Variants in NFIL3 observed in about 807,000 individuals in gnomAD.
NFIL3 encodes the protein nuclear factor, interleukin 3 regulated, also known as nuclear factor interleukin-3-regulated protein.
In NFIL3, 5 loss-of-function variants were observed where a neutral mutation model predicts 10.0. That is an observed-to-expected ratio of 0.50 (90% CI 0.26 to 1.06). NFIL3 has a LOEUF of 1.06. Among genes scored for constraint, NFIL3 ranks in the 50% least tolerant of loss-of-function variants. The pLI is 0.13. For missense variants in NFIL3, 436 were observed against 547.6 expected, an observed-to-expected ratio of 0.80 and a Z score of 2.03; for synonymous variants, 202 against 206.5, an observed-to-expected ratio of 0.98 and a Z score of 0.19.
At chr9:91,481,366 G>T in the NFIL3 span, among the ~76,000 whole-genome samples, 1 of 151,998 alleles carries the variant, frequency 6.6e-6, no homozygotes, top group East Asian at 1.9e-4. Context: ...ATAAATAGTT[G>T]GTGTCATAAG....
the NFIL3 span, among the ~76,000 whole-genome samples, chr9:91,464,875 C>T: frequency 6.6e-6 from 1 of 152,032 alleles, no homozygotes; most frequent in Non-Finnish European, 1.5e-5. Flanking sequence ...TGAGAAGATT[C>T]TTCTCTTCCA....
At chr9:91,425,576 C>T (rs1833864218), upstream of NFIL3, among the ~76,000 whole-genome samples, 1 of 152,232 alleles carries the variant, frequency 6.6e-6, no homozygotes, top group African/African-American at 2.4e-5. Flanking sequence ...CTCCACTACA[C>T]ATTTTCCAAA....
chr9:91,454,669 T>A, the NFIL3 span, among the ~76,000 whole-genome samples: 1 of 151,986 alleles, frequency 6.6e-6, no homozygotes, highest in Admixed American at 6.6e-5. Flanking sequence ...CCGTCTCCAC[T>A]AAAAATAAAA....
the NFIL3 span, among the ~76,000 whole-genome samples, chr9:91,459,213 G>A: frequency 3.3e-5 from 5 of 152,138 alleles, no homozygotes; most frequent in African/African-American, 7.2e-5. Flanking sequence ...TGCAGCTATA[G>A]GCATGTTTTA....
At chr9:91,460,366 C>T in the NFIL3 span, among the ~76,000 whole-genome samples, 1 of 145,868 alleles carries the variant, frequency 6.9e-6, no homozygotes, top group Admixed American at 6.8e-5. Context: ...CCTCCATCTC[C>T]CAGGTTCAAA....
At chr9:91,455,747 C>T in the NFIL3 span, among the ~76,000 whole-genome samples, 1 of 152,180 alleles carries the variant, frequency 6.6e-6, no homozygotes, top group Non-Finnish European at 1.5e-5. Flanking sequence ...GACACCATCA[C>T]CACATTCAAG....
the NFIL3 span, among the ~76,000 whole-genome samples, chr9:91,431,264 G>T: frequency 1.3e-5 from 2 of 152,152 alleles, no homozygotes; most frequent in African/African-American, 4.8e-5. Flanking sequence ...TAGGGAAATG[G>T]TTCAAAGCCT....
the NFIL3 span, among the ~76,000 whole-genome samples, chr9:91,449,189 G>A: frequency 3.3e-5 from 5 of 151,614 alleles, no homozygotes; most frequent in African/African-American, 4.8e-5. Context: ...GCTCCTTTTC[G>A]TTATTTTTTT....
intron 1 of NFIL3, among the ~76,000 whole-genome samples, chr9:91,418,982 A>T (rs111458949): frequency 6.6e-6 from 1 of 152,206 alleles, no homozygotes; most frequent in African/African-American, 2.4e-5. Context: ...TCAAAGGTCA[A>T]CGTCTTTCAA....
chr9:91,478,959 G>T, the NFIL3 span, among the ~76,000 whole-genome samples: 4 of 152,142 alleles, frequency 2.6e-5, no homozygotes, highest in African/African-American at 9.7e-5. Context: ...TGTTTGCCTG[G>T]GTATCAGCAG....
chr9:91,447,036 A>C, the NFIL3 span, among the ~76,000 whole-genome samples: 1 of 152,070 alleles, frequency 6.6e-6, no homozygotes, highest in Admixed American at 6.6e-5. Context: ...AGCTGGTCTT[A>C]AACTCCCGAC....
chr9:91,424,336 G>A (rs1479975466), upstream of NFIL3, among the ~76,000 whole-genome samples: 1 of 152,226 alleles, frequency 6.6e-6, no homozygotes, highest in Non-Finnish European at 1.5e-5. Flanking sequence ...GAGCACTGCG[G>A]GTTGCGGCTA....
the NFIL3 span, among the ~76,000 whole-genome samples, chr9:91,475,279 A>G: frequency 6.6e-6 from 1 of 152,230 alleles, no homozygotes; most frequent in African/African-American, 2.4e-5. Context: ...TTCTAGACCT[A>G]TAATATACTT....
At chr9:91,413,582 G>A (rs932546285) in intron 1 of NFIL3, among the ~76,000 whole-genome samples, 4 of 152,068 alleles carry the variant, frequency 2.6e-5, no homozygotes, top group Admixed American at 6.6e-5. Flanking sequence ...TTGCATTTAG[G>A]TTTTGTCCTC....
At chr9:91,434,949 A>C in the NFIL3 span, among the ~76,000 whole-genome samples, 2 of 152,232 alleles carry the variant, frequency 1.3e-5, no homozygotes, top group African/African-American at 2.4e-5. Flanking sequence ...TGTGGAGGTC[A>C]GCATGAACAT....
chr9:91,462,810 G>T, the NFIL3 span, among the ~76,000 whole-genome samples: 1 of 113,094 alleles, frequency 8.8e-6, no homozygotes, highest in Non-Finnish European at 1.7e-5. Context: ...TTCCATCAAG[G>T]CCCAATGTTT....
the NFIL3 span, among the ~76,000 whole-genome samples, chr9:91,430,977 A>G: frequency 6.6e-6 from 1 of 152,198 alleles, no homozygotes; most frequent in Non-Finnish European, 1.5e-5. Flanking sequence ...GCCTCAAAAG[A>G]GTACCACATA....
chr9:91,424,567 C>T (rs867603937), upstream of NFIL3, among the ~76,000 whole-genome samples: 1 of 152,196 alleles, frequency 6.6e-6, no homozygotes, highest in Admixed American at 6.5e-5. Flanking sequence ...TCCCGAGAGC[C>T]GCGACGGCCC....
intron 1 of NFIL3, among the ~76,000 whole-genome samples, chr9:91,418,858 T>G (rs1427105936): frequency 5.9e-5 from 3 of 51,046 alleles, no homozygotes; most frequent in East Asian, 9.6e-4. Flanking sequence ...TTTGGGTGTT[T>G]TTTTTTTTTT....
Sources: gnomAD v4.1 joint callset for allele counts (sites outside exome capture counted in the v4.1 genomes callset) on GRCh38, gnomAD v4.1.1 for gene constraint, MANE v1.5 for transcripts, NCBI Gene and HGNC (gene_info 2026-07-23, HGNC 2026-07-21) for gene names.